The following PPM1L variants were observed in gnomAD, a reference collection of about 807,000 sequenced individuals.
The protein encoded by PPM1L is protein phosphatase 1L.
In PPM1L, 13 loss-of-function variants were observed where a neutral mutation model predicts 31.4. The observed-to-expected ratio is 0.41, with a 90% CI of 0.27 to 0.66. The LOEUF is 0.66. Among genes scored for constraint, PPM1L ranks in the 30% least tolerant of loss-of-function variants. The pLI, the probability that PPM1L is intolerant of heterozygous loss-of-function variation, is 0.29. For missense variants in PPM1L, 326 were observed against 453.7 expected (o/e 0.72, Z 2.56); for synonymous variants, 184 against 175.4 (o/e 1.05, Z -0.39).
chr3:160,981,142 C>G (rs142578947), intron 2 of PPM1L, among the ~76,000 whole-genome samples: 423 of 152,268 alleles, frequency 2.8e-3, no homozygotes, highest in Non-Finnish European at 4.9e-3. Context: ...ATATCTTTAT[C>G]TTTTCTAATA....
intron 2 of PPM1L, chr3:161,035,914 C>T (rs1484014413): frequency 6.6e-6 from 1 of 152,168 alleles, no homozygotes. Flanking sequence ...TGGTGATTGT[C>T]TCCAGTTAAT....
chr3:160,913,688 G>A (rs890853971), intron 1 of PPM1L, among the ~76,000 whole-genome samples: 35 of 152,198 alleles, frequency 2.3e-4, no homozygotes, highest in African/African-American at 8.2e-4. Flanking sequence ...GGGGGATTCA[G>A]CATAATGTTT....
At chr3:160,774,758 CT>C (rs1339797849) in intron 1 of PPM1L, among the ~76,000 whole-genome samples, 1 of 152,198 alleles carries the variant, frequency 6.6e-6, no homozygotes, top group African/African-American at 2.4e-5. Context: ...CGATTTCCAG[CT>C]CTTCCATAAA....
chr3:160,936,431 G>A (rs955998107), intron 1 of PPM1L, among the ~76,000 whole-genome samples: 2 of 152,090 alleles, frequency 1.3e-5, no homozygotes, highest in African/African-American at 4.8e-5. Flanking sequence ...TATTTTAATG[G>A]TCTGAGATTC....
intron 2 of PPM1L, among the ~76,000 whole-genome samples, chr3:161,038,300 T>C (rs1344035771): frequency 6.6e-6 from 1 of 151,168 alleles, no homozygotes; most frequent in Non-Finnish European, 1.5e-5. Context: ...ATAAACATAG[T>C]TAAGAGTTTT....
intron 2 of PPM1L, among the ~76,000 whole-genome samples, chr3:161,040,140 A>G (rs1718867426): frequency 6.6e-6 from 1 of 152,192 alleles, no homozygotes; most frequent in Admixed American, 6.5e-5. Context: ...TTTAAACAAT[A>G]TTAGCTGGCT....
chr3:160,781,682 A>G (rs938907248), intron 1 of PPM1L, among the ~76,000 whole-genome samples: 3 of 152,226 alleles, frequency 2.0e-5, no homozygotes, highest in African/African-American at 7.2e-5. Flanking sequence ...GTAATGGACT[A>G]CAGTGTGTTT....
intron 2 of PPM1L, among the ~76,000 whole-genome samples, chr3:160,988,242 A>G (rs1717028634): frequency 6.6e-6 from 1 of 152,206 alleles, no homozygotes; most frequent in South Asian, 2.1e-4. Flanking sequence ...TAATGTTTAT[A>G]TGACATCCAT....
At chr3:160,785,634 C>T (rs1380083479) in intron 1 of PPM1L, among the ~76,000 whole-genome samples, 1 of 152,138 alleles carries the variant, frequency 6.6e-6, no homozygotes, top group Non-Finnish European at 1.5e-5. Context: ...GTAAACTCTT[C>T]TGCACTGTGG....
At chr3:160,792,260 C>G (rs1712128742) in intron 1 of PPM1L, among the ~76,000 whole-genome samples, 1 of 152,066 alleles carries the variant, frequency 6.6e-6, no homozygotes, top group South Asian at 2.1e-4. Flanking sequence ...ATTTTTCTTA[C>G]TATCATTTAG....
At chr3:160,764,391 A>AT (rs1715049937) in intron 1 of PPM1L, among the ~76,000 whole-genome samples, 1 of 152,010 alleles carries the variant, frequency 6.6e-6, no homozygotes, top group Non-Finnish European at 1.5e-5. Flanking sequence ...TCTTTGTATA[A>AT]TTCTATAAAC....
At chr3:160,974,183 C>T (rs1161071560) in intron 2 of PPM1L, among the ~76,000 whole-genome samples, 1 of 151,640 alleles carries the variant, frequency 6.6e-6, no homozygotes, top group African/African-American at 2.4e-5. Context: ...CATCTATGTC[C>T]CTACAAAGGA....
At chr3:161,037,581 ATTT>A (rs58432151) in intron 2 of PPM1L, among the ~76,000 whole-genome samples, 5,813 of 119,676 alleles carry the variant, frequency 0.049, 197 homozygotes, top group African/African-American at 0.092. Flanking sequence ...TGCCCGGCTA[ATTT>A]TTTTTTTTTT....
chr3:161,028,316 G>A (rs993195999), intron 2 of PPM1L, among the ~76,000 whole-genome samples: 1 of 152,056 alleles, frequency 6.6e-6, no homozygotes, highest in Non-Finnish European at 1.5e-5. Context: ...GTCCCTACAG[G>A]AAAACAGAAT....
rs1719981929 is a variant in PPM1L, at chr3:161,073,045, A to C, written c.*3888A>C. The C allele has an allele frequency of 6.6e-6, 1 of 152,236 alleles. No homozygotes were observed. Among genetic ancestry groups the C allele is most frequent in the South Asian group, 2.1e-4 (1 of 4,834 alleles). The allele number at this position is 152,236 out of a possible 1,614,324, so 9.4% of individuals were successfully genotyped here. ...TCATTGATAGCTAGACTTTTGAGCT[A>C]GTTAGCTGTAGAAATAATAGAATCC... is the stretch of plus-strand genomic sequence containing the variant. On this transcript the variant is annotated 3_prime_UTR_variant, in exon 4 of 4. Coordinates refer to ENST00000498165, the MANE Select transcript of PPM1L (RefSeq NM_139245.4).
intron 1 of PPM1L, among the ~76,000 whole-genome samples, chr3:160,804,175 G>A (rs1576645157): frequency 2.0e-5 from 3 of 151,390 alleles, no homozygotes; most frequent in African/African-American, 4.9e-5. Flanking sequence ...CTCGTGATCC[G>A]CCCACCTCAG....
intron 1 of PPM1L, among the ~76,000 whole-genome samples, chr3:160,894,039 C>G (rs1180887912): frequency 2.0e-5 from 3 of 152,136 alleles, no homozygotes; most frequent in African/African-American, 7.2e-5. Flanking sequence ...CTAGGCTAGA[C>G]TATGTTGTTC....
At chr3:160,761,447 A>G (rs1714965984) in intron 1 of PPM1L, among the ~76,000 whole-genome samples, 1 of 152,208 alleles carries the variant, frequency 6.6e-6, no homozygotes, top group African/African-American at 2.4e-5. Context: ...TTTAATGAGG[A>G]CCAAGGGAGA....
chr3:160,944,865 A>ATATATAACAT lies in PPM1L; in HGVS notation c.400-16871_400-16870insTATATAACAT, dbSNP rs1553748209. ...GTTATATATAACATATATTATATAT[A>ATATATAACAT]ATGTTATATATAACATATATATTAT... On this transcript the variant is annotated intron_variant, in intron 1 of 3. Coordinates refer to ENST00000498165, the MANE Select transcript of PPM1L (RefSeq NM_139245.4). 6.8e-4 allele frequency among the ~76,000 whole-genome samples: 28 copies of ATATATAACAT among 40,996 alleles called. 2 individuals carry two copies. The highest frequency in any genetic ancestry group is 2.5e-3 in the South Asian group (4 of 1,632). 26.9% of individuals were successfully genotyped at this position (40,996 alleles called of 152,430 possible).
Sources: allele counts gnomAD v4.1 joint callset (sites outside exome capture counted in the v4.1 genomes callset), GRCh38; gene constraint gnomAD v4.1.1; transcripts MANE v1.5; gene names NCBI Gene and HGNC (gene_info 2026-07-23, HGNC 2026-07-21).